Variants in CAMSAP1 observed in about 807,000 individuals in gnomAD.
CAMSAP1 encodes the protein calmodulin-regulated spectrin-associated protein 1.
A neutral mutation model predicts 143.5 loss-of-function variants in CAMSAP1; 58 were observed. The ratio of observed to expected loss-of-function variants is 0.40; its 90% CI spans 0.33 to 0.50. The LOEUF is 0.50. CAMSAP1 is among the 20% of genes least tolerant of loss of function. CAMSAP1 has a pLI of 0.45. For synonymous variants in CAMSAP1, 945 were observed against 859.3 expected (o/e 1.10, Z -1.74); for missense variants, 1,969 against 2,115.7 (o/e 0.93, Z 1.36).
intron 1 of CAMSAP1, among the ~76,000 whole-genome samples, chr9:135,888,809 A>G (rs1838206342): frequency 6.6e-6 from 1 of 152,252 alleles, no homozygotes; most frequent in South Asian, 2.1e-4. Context: ...CACAAGGGTA[A>G]GAAAAGCTGA....
intron 1 of CAMSAP1, among the ~76,000 whole-genome samples, chr9:135,889,855 G>A (rs1432938331): frequency 6.6e-6 from 1 of 152,184 alleles, no homozygotes; most frequent in East Asian, 1.9e-4. Flanking sequence ...AAACCCAGCA[G>A]GAAAGGTGCT....
intron 10 of CAMSAP1, 34 bp from the exon 11 acceptor site, chr9:135,823,294 C>T (rs138662490): frequency 2.6e-4 from 400 of 1,518,678 alleles, no homozygotes; most frequent in Admixed American, 6.6e-4. Context: ...GGGTGCGCTG[C>T]GGTATACACC....
chr9:135,867,117 G>A (rs893155731), intron 3 of CAMSAP1, among the ~76,000 whole-genome samples: 3 of 152,142 alleles, frequency 2.0e-5, no homozygotes, highest in Non-Finnish European at 4.4e-5. Flanking sequence ...ACTCAGCAGT[G>A]CTTAAAGGGG....
At chr9:135,836,968 C>T in intron 7 of CAMSAP1, 1 of 979,620 alleles carries the variant, frequency 1.0e-6, no homozygotes, top group Non-Finnish European at 1.2e-6. Flanking sequence ...ACACTTTCTA[C>T]CCATTCTACA....
intron 7 of CAMSAP1, among the ~76,000 whole-genome samples, chr9:135,831,621 T>C (rs1835865020): frequency 6.6e-6 from 1 of 151,416 alleles, no homozygotes; most frequent in Admixed American, 6.6e-5. Context: ...AGAAAGGAAA[T>C]TATAATAAAG....
intron 1 of CAMSAP1, among the ~76,000 whole-genome samples, chr9:135,902,559 C>T (rs1364961766): frequency 6.6e-6 from 1 of 152,118 alleles, no homozygotes; most frequent in African/African-American, 2.4e-5. Context: ...ATATGGCGAC[C>T]CTCTGGAGTT....
At position 135,827,429 on chromosome 9, in the gene CAMSAP1, G is replaced by A. The variant is rs901418295; in HGVS notation, c.1201C>T (p.His401Tyr). 10 of 1,580,754 alleles carry A rather than the reference G, an allele frequency of 6.3e-6. No homozygotes were observed. The highest frequency in any genetic ancestry group is 1.3e-5 in the African/African-American group (1 of 74,118). Residue 401 changes from histidine to tyrosine, a missense_variant, in exon 8 of 17, where the codon CAC (histidine) becomes TAC (tyrosine). Physicochemically the swap from His to Tyr is moderately conservative, Grantham distance 83. Coordinates refer to ENST00000389532, the MANE Select transcript of CAMSAP1 (RefSeq NM_015447.4). The stretch of plus-strand genomic sequence containing the variant: ...TACAGGTATTCAGGTTCTTCCGGGT[G>A]CAGGTAGTGCCTGTGACAGCCTTCC... ...PAEGCHRHYLHPEEPEYLGKG... is the reference protein window; with the variant it reads ...PAEGCHRHYLYPEEPEYLGKG...
chr9:135,861,605 G>C (rs73559463), intron 5 of CAMSAP1, among the ~76,000 whole-genome samples: 6,488 of 152,218 alleles, frequency 0.043, 444 homozygotes, highest in African/African-American at 0.14. Context: ...TATCCAGCCT[G>C]TTCCTTTAAG....
At chr9:135,846,113 C>A (rs1479434075) in intron 7 of CAMSAP1, among the ~76,000 whole-genome samples, 1 of 143,360 alleles carries the variant, frequency 7.0e-6, no homozygotes, top group Non-Finnish European at 1.5e-5. Flanking sequence ...AGGCATCATG[C>A]TACCTGACTT....
At position 135,818,282 on chromosome 9, in the gene CAMSAP1, G is replaced by T; in HGVS notation, c.4168+126C>A. 8.7e-7 allele frequency: 1 copy of T among 1,151,508 alleles called. No homozygotes were observed. Among genetic ancestry groups the T allele is most frequent in the South Asian group, 1.5e-5 (1 of 65,284 alleles). The allele number at this position is 1,151,508 out of a possible 1,614,324, so 71.3% of individuals were successfully genotyped here. The stretch of plus-strand genomic sequence containing the variant: ...TCTCAACATTGTCATCCATGAAACG[G>T]GGATAATCATCTCCACCCTTCCCGC... On this transcript the variant is annotated intron_variant, in intron 13 of 16. Coordinates refer to ENST00000389532, the MANE Select transcript of CAMSAP1 (RefSeq NM_015447.4). The surrounding 1 kb of genome is among the most constrained non-coding windows in gnomAD (Gnocchi z 7.7).
At chr9:135,906,911 G>A (rs1448700644) in intron 1 of CAMSAP1, 89 bp downstream of exon 1, 1 of 778,142 alleles carries the variant, frequency 1.3e-6, no homozygotes, top group African/African-American at 1.9e-5. Context: ...GGCGCGGCGC[G>A]CGGACCCCGA....
chr9:135,814,645 G>A (rs974250244), intron 16 of CAMSAP1, among the ~76,000 whole-genome samples: 4 of 151,388 alleles, frequency 2.6e-5, no homozygotes, highest in Non-Finnish European at 4.4e-5. Flanking sequence ...CCACCACTCC[G>A]TCCTCCGTCC....
At chr9:135,840,039 G>A (rs1445335873) in intron 7 of CAMSAP1, among the ~76,000 whole-genome samples, 2 of 152,174 alleles carry the variant, frequency 1.3e-5, no homozygotes, top group East Asian at 1.9e-4. Flanking sequence ...ATATGGCACC[G>A]TCCTGGAGAA....
intron 3 of CAMSAP1, among the ~76,000 whole-genome samples, chr9:135,877,683 A>T (rs1180894112): frequency 7.9e-5 from 12 of 152,004 alleles, no homozygotes. Flanking sequence ...ACGGTGGTGC[A>T]TGCCTGTAGT....
At chr9:135,884,357 CT>C (rs1780710899) in intron 1 of CAMSAP1, among the ~76,000 whole-genome samples, 1 of 152,156 alleles carries the variant, frequency 6.6e-6, no homozygotes, top group Non-Finnish European at 1.5e-5. Context: ...CACAGCACCC[CT>C]CTCTCTCTGC....
chr9:135,830,500 A>T (rs1038693774), intron 7 of CAMSAP1, among the ~76,000 whole-genome samples: 3 of 152,266 alleles, frequency 2.0e-5, no homozygotes, highest in South Asian at 2.1e-4. Flanking sequence ...TAACAACTGT[A>T]AACATCTATG....
Position 135,811,441 on chromosome 9 carries a change from G to C in CAMSAP1, c.4677C>G (p.Ser1559Arg), listed in dbSNP as rs1195690683. 6.2e-7 allele frequency: 1 copy of C among 1,612,570 alleles called. No homozygotes were observed. The highest frequency in any genetic ancestry group is 1.3e-5 in the African/African-American group (1 of 74,934). The change falls in exon 17 of 17, where the codon AGC (serine) becomes AGG (arginine). Residue 1559 changes from serine (S) to arginine (R), a missense_variant. Physicochemically the swap from Ser to Arg is moderately radical, Grantham distance 110. Around this residue, in one of 4 missense-constraint regions of CAMSAP1, gnomAD observed 143 missense variants for 200.6 expected, o/e 0.71. Transcript: ENST00000389532. The surrounding 1 kb of genome is among the most constrained non-coding windows in gnomAD (Gnocchi z 4.9). ...TCAAGTTAAACTGTTTTCGGTCTGA[G>C]CTGTATTTATACAGTTTGTCGATCA... ...KKMIDKLYKYSSDRKQFNLIP... is the reference protein window; with the variant it reads ...KKMIDKLYKYRSDRKQFNLIP...
chr9:135,866,529 A>G lies in CAMSAP1; in HGVS notation c.593T>C (p.Leu198Pro). 1 of 1,389,966 alleles carries G rather than the reference A, an allele frequency of 7.2e-7. No homozygotes were observed. Among genetic ancestry groups the G allele is most frequent in the Non-Finnish European group, 1.0e-6 (1 of 1,000,126 alleles). The allele number at this position is 1,389,966 out of a possible 1,614,324, so 86.1% of individuals were successfully genotyped here. The change falls in exon 4 of 17, where the codon CTT becomes CCT. Residue 198 changes from leucine (L) to proline (P), a missense_variant. Physicochemically the swap from Leu to Pro is moderately conservative, Grantham distance 98. This residue lies in a region of CAMSAP1 where 221 missense variants were observed against 298.2 expected (regional missense o/e 0.74). Coordinates refer to ENST00000389532, the MANE Select transcript of CAMSAP1 (RefSeq NM_015447.4). ...TTTCTCTGTTATCTCTCTCATTTTA[A>G]GATTTACCTAAAGTAGAAGAGAAAT... ...AMVFWINKVNLKMREITEKEV... is the reference protein window; with the variant it reads ...AMVFWINKVNPKMREITEKEV...
At chr9:135,900,344 G>A (rs1838578150) in intron 1 of CAMSAP1, among the ~76,000 whole-genome samples, 1 of 151,904 alleles carries the variant, frequency 6.6e-6, no homozygotes, top group Admixed American at 6.6e-5. Context: ...GTTTAATTTT[G>A]ACTAGTTGAG....
Sources: allele counts gnomAD v4.1 joint callset (sites outside exome capture counted in the v4.1 genomes callset), GRCh38; gene constraint gnomAD v4.1.1; regional missense constraint gnomAD v4.1.1; non-coding constraint Gnocchi (gnomAD v3.1); transcripts MANE v1.5; gene names NCBI Gene and HGNC (gene_info 2026-07-23, HGNC 2026-07-21).